The following UST variants were observed in gnomAD, a reference collection of about 807,000 sequenced individuals.
UST encodes chondroitin sulfate 2-O-sulfotransferase.
In UST, 21 loss-of-function variants were observed where a neutral mutation model predicts 45.6. The ratio of observed to expected loss-of-function variants is 0.46; its 90% CI spans 0.33 to 0.66. UST has a LOEUF of 0.66. Among genes scored for constraint, UST ranks in the 30% least tolerant of loss-of-function variants. The probability of loss-of-function intolerance (pLI) is 0.02; values close to 1 mark genes in which losing one functional copy is unlikely to be tolerated. For missense variants in UST, 463 were observed against 512.4 expected, an observed-to-expected ratio of 0.90 and a Z score of 0.93; for synonymous variants, 215 against 200.6, an observed-to-expected ratio of 1.07 and a Z score of -0.61.
At chr6:148,876,512 G>T (rs1778653784) in intron 1 of UST, among the ~76,000 whole-genome samples, 1 of 152,122 alleles carries the variant, frequency 6.6e-6, no homozygotes, top group Admixed American at 6.5e-5. Context: ...TCTGAGATTT[G>T]AACCCAGGTC....
At chr6:149,033,047 G>T (rs1005280077) in intron 7 of UST, among the ~76,000 whole-genome samples, 3 of 152,140 alleles carry the variant, frequency 2.0e-5, no homozygotes, top group Admixed American at 6.5e-5. Context: ...AAGCTGAAAG[G>T]CTTCTAAAGC....
intron 1 of UST, among the ~76,000 whole-genome samples, chr6:148,782,514 G>A (rs907039515): frequency 4.0e-5 from 6 of 151,860 alleles, no homozygotes; most frequent in South Asian, 2.1e-4. Flanking sequence ...GCAGTGGCGC[G>A]ATCTTGGCTC....
chr6:149,034,846 CTCT>C (rs1776207624), intron 7 of UST, among the ~76,000 whole-genome samples: 2 of 28,292 alleles, frequency 7.1e-5, no homozygotes, highest in East Asian at 8.5e-4. Flanking sequence ...CTCTCTCTCT[CTCT>C]CTCTCTCTCT....
Position 148,803,165 on chromosome 6 carries a change from A to G in UST, c.247+55488A>G, listed in dbSNP as rs962307963. On this transcript the variant is annotated intron_variant, in intron 1 of 7. Transcript: ENST00000367463. Reference sequence around the variant, plus strand: ...TTTCAGATTATAGTATTTTCTGCCAAAGAAGCCTGGTACTTTGTAGATCCA... The same window carrying G: ...TTTCAGATTATAGTATTTTCTGCCAGAGAAGCCTGGTACTTTGTAGATCCA... Among the ~76,000 whole-genome samples, 5 of 152,134 alleles carry G rather than the reference A, an allele frequency of 3.3e-5. No homozygotes were observed. The East Asian group carries it at 9.6e-4, about 29-fold the overall frequency.
chr6:148,919,321 C>T (rs1175114408), intron 2 of UST, among the ~76,000 whole-genome samples: 1 of 152,196 alleles, frequency 6.6e-6, no homozygotes, highest in Non-Finnish European at 1.5e-5. Context: ...GTTCCTGCTC[C>T]CACTACCTGC....
rs1333716956 is a variant in UST at position 149,019,177 on chromosome 6, C to T, written c.720C>T (p.Cys240=). 6.2e-7 allele frequency: 1 copy of T among 1,614,066 alleles called. No homozygotes were observed. Among genetic ancestry groups the T allele is most frequent in the Admixed American group, 1.7e-5 (1 of 60,006 alleles). Residue 240 remains cysteine (C), a synonymous_variant, in exon 6 of 8, where the codon TGC becomes TGT. Transcript: ENST00000367463. Reference sequence around the variant, plus strand: ...GTATTCTTGAAAACTATCCCGAGTGCTCCAACCCCAGGTTATTTTACATCA... The same window carrying T: ...GTATTCTTGAAAACTATCCCGAGTGTTCCAACCCCAGGTTATTTTACATCA... ...NECILENYPE[C]SNPRLFYIIP... is the part of the protein sequence containing the mutation.
chr6:149,029,363 A>G (rs1470295154), intron 7 of UST, among the ~76,000 whole-genome samples: 1 of 147,238 alleles, frequency 6.8e-6, no homozygotes, highest in East Asian at 1.9e-4. Context: ...TATAAATTAT[A>G]TGTAATATAT....
intron 1 of UST, among the ~76,000 whole-genome samples, chr6:148,883,394 G>A (rs1475680330): frequency 6.6e-6 from 1 of 152,170 alleles, no homozygotes; most frequent in African/African-American, 2.4e-5. Context: ...GAAGCAATCA[G>A]GCATTTAAAT....
intron 5 of UST, among the ~76,000 whole-genome samples, chr6:149,014,184 T>C (rs1418881429): frequency 1.3e-5 from 2 of 152,200 alleles, no homozygotes; most frequent in Non-Finnish European, 2.9e-5. Context: ...TCCAGCGCAG[T>C]GTCTCATCTC....
At chr6:148,923,343 A>G (rs1280116370) in intron 2 of UST, among the ~76,000 whole-genome samples, 1 of 152,206 alleles carries the variant, frequency 6.6e-6, no homozygotes, top group Non-Finnish European at 1.5e-5. Context: ...TAGCTTTTTG[A>G]GGAGCTGCCA....
intron 1 of UST, among the ~76,000 whole-genome samples, chr6:148,853,111 T>C (rs541081482): frequency 3.0e-4 from 46 of 152,012 alleles, no homozygotes; most frequent in Non-Finnish European, 4.9e-4. Flanking sequence ...ATGCTCTCCC[T>C]CCCTCCCCCA....
At chr6:148,849,041 G>T (rs933009270) in intron 1 of UST, among the ~76,000 whole-genome samples, 1 of 152,178 alleles carries the variant, frequency 6.6e-6, no homozygotes, top group Non-Finnish European at 1.5e-5. Flanking sequence ...TCCTGGCTCT[G>T]CAAGAGAGAT....
Position 149,019,241 on chromosome 6 carries a change from G to A in UST, c.779+5G>A, listed in dbSNP as rs1377011221. 3 of 1,611,904 alleles carry A rather than the reference G, an allele frequency of 1.9e-6. No homozygotes were observed. The highest frequency in any genetic ancestry group is 3.3e-4 in the Middle Eastern group (2 of 6,080). On this transcript the variant is annotated splice_donor_5th_base_variant and intron_variant, in intron 6 of 7. Transcript: ENST00000367463. ...TGGACAGCATCCCAGATGCAGGTAAGGGCTAAAGCAGGGTCATGGCATGCA... is the reference window on the plus strand; with the variant it reads ...TGGACAGCATCCCAGATGCAGGTAAAGGCTAAAGCAGGGTCATGGCATGCA...
At chr6:148,984,124 A>G (rs1251262001) in intron 5 of UST, among the ~76,000 whole-genome samples, 8 of 152,200 alleles carry the variant, frequency 5.3e-5, no homozygotes, top group Non-Finnish European at 8.8e-5. Flanking sequence ...TGTTTAGACT[A>G]CTTATATTCA....
At chr6:148,855,127 C>A (rs554904764) in intron 1 of UST, among the ~76,000 whole-genome samples, 1 of 152,096 alleles carries the variant, frequency 6.6e-6, no homozygotes, top group African/African-American at 2.4e-5. Flanking sequence ...ACGAGAAAGA[C>A]CCGCCCCCAT....
At chr6:148,935,944 C>A (rs962892603) in intron 2 of UST, among the ~76,000 whole-genome samples, 2 of 152,062 alleles carry the variant, frequency 1.3e-5, no homozygotes, top group African/African-American at 2.4e-5. Context: ...GTTGTGATCG[C>A]CGACTGTTGA....
At chr6:148,891,956 G>A (rs1779026929) in intron 2 of UST, among the ~76,000 whole-genome samples, 1 of 152,166 alleles carries the variant, frequency 6.6e-6, no homozygotes, top group African/African-American at 2.4e-5. Flanking sequence ...TTGGTATACA[G>A]ACTTGAAAAG....
At chr6:148,793,444 C>G (rs1396552821) in intron 1 of UST, among the ~76,000 whole-genome samples, 1 of 152,206 alleles carries the variant, frequency 6.6e-6, no homozygotes, top group Non-Finnish European at 1.5e-5. Flanking sequence ...CCCCTCCTCA[C>G]CCTCCACCGC....
chr6:149,072,304 A>G (rs540009846), intron 7 of UST, among the ~76,000 whole-genome samples: 1 of 152,348 alleles, frequency 6.6e-6, no homozygotes, highest in East Asian at 1.9e-4. Flanking sequence ...CAAGGATGAA[A>G]GGATAAACAA....
Sources: allele counts gnomAD v4.1 joint callset (sites outside exome capture counted in the v4.1 genomes callset), GRCh38; gene constraint gnomAD v4.1.1; transcripts MANE v1.5; gene names NCBI Gene and HGNC (gene_info 2026-07-23, HGNC 2026-07-21).